CALN1: variants seen among roughly 807,000 people sequenced by gnomAD.
CALN1 encodes calcium-binding protein 8.
A neutral mutation model predicts 30.6 loss-of-function variants in CALN1; 17 were observed. That is an observed-to-expected ratio of 0.56 (90% CI 0.38 to 0.83). CALN1 has a LOEUF of 0.83. Among genes scored for constraint, CALN1 ranks in the 40% least tolerant of loss-of-function variants. The pLI is 0.00. For synonymous variants in CALN1, 156 were observed against 131.4 expected, an observed-to-expected ratio of 1.19 and a Z score of -1.28; for missense variants, 291 against 354.9, an observed-to-expected ratio of 0.82 and a Z score of 1.45.
At chr7:71,879,768 A>G (rs963284352) in intron 5 of CALN1, among the ~76,000 whole-genome samples, 6 of 152,220 alleles carry the variant, frequency 3.9e-5, no homozygotes, top group African/African-American at 1.4e-4. Flanking sequence ...CCTGGGCTCC[A>G]GGTACCACTC....
chr7:72,425,158 G>T (rs181209801), intron 1 of CALN1, among the ~76,000 whole-genome samples: 4 of 152,262 alleles, frequency 2.6e-5, no homozygotes, highest in Middle Eastern at 3.4e-3. Context: ...CTGTTGCCCA[G>T]GCTGGAGTGC....
At chr7:71,841,656 G>A (rs757746) in intron 5 of CALN1, among the ~76,000 whole-genome samples, 45,685 of 152,068 alleles carry the variant, frequency 0.3, 7,372 homozygotes, top group East Asian at 0.66. Context: ...ATACACTGTG[G>A]AATACTATGC....
rs1554337106 is a variant in CALN1 at position 71,790,368 on chromosome 7, A to AAAAAGAAAG, written c.659-2467_659-2466insCTTTCTTTT. On this transcript the variant is annotated intron_variant, in intron 6 of 6. Coordinates refer to ENST00000395275, the MANE Select transcript of CALN1 (RefSeq NM_031468.4). ...AAAGAAAAGAAAGAAAGAAAGAAAG[A>AAAAAGAAAG]AAAGAAAGAAAGAAAGAAAGAAAGA... 1.5e-4 allele frequency among the ~76,000 whole-genome samples: 18 copies of AAAAAGAAAG among 123,798 alleles called. 1 individual carries two copies. The East Asian group carries it at 4.2e-3, about 29-fold the overall frequency. 81.2% of individuals were successfully genotyped at this position (123,798 alleles called of 152,430 possible).
At chr7:71,813,814 C>A (rs1306780025) in intron 5 of CALN1, among the ~76,000 whole-genome samples, 1 of 151,536 alleles carries the variant, frequency 6.6e-6, no homozygotes, top group Admixed American at 6.6e-5. Flanking sequence ...GCCTGTAGTC[C>A]CAGCTACTCA....
chr7:72,199,925 T>C (rs1791303900), intron 3 of CALN1, among the ~76,000 whole-genome samples: 1 of 152,126 alleles, frequency 6.6e-6, no homozygotes, highest in African/African-American at 2.4e-5. Context: ...GCCCAAACTA[T>C]AAGGCTTGTC....
intron 5 of CALN1, 85 bp from the exon 6 acceptor site, chr7:71,810,577 T>G: frequency 2.2e-6 from 3 of 1,383,668 alleles, no homozygotes. Flanking sequence ...GACCCACAGC[T>G]GCTCTGCAGA....
Position 72,342,666 on chromosome 7 carries a change from CAG to C in CALN1, c.119+60583_119+60584del, listed in dbSNP as rs1412749952. On this transcript the variant is annotated intron_variant, in intron 2 of 6. Transcript: ENST00000395275. ...ACCACCTGCCTCTAGCTTTGGGATT[CAG>C]AGTTACACAAATCAGACACCAAGAC... 3.3e-5 allele frequency among the ~76,000 whole-genome samples: 5 copies of C among 152,110 alleles called. No homozygotes were observed. In the East Asian group the frequency reaches 7.7e-4, roughly 23 times the overall value.
At chr7:72,094,510 T>A (rs1167858536) in intron 4 of CALN1, among the ~76,000 whole-genome samples, 2 of 152,138 alleles carry the variant, frequency 1.3e-5, no homozygotes, top group Admixed American at 1.3e-4. Flanking sequence ...TGCCTCAGCC[T>A]CCCAAAGTGC....
intron 4 of CALN1, among the ~76,000 whole-genome samples, chr7:72,078,365 CA>C (rs1804891763): frequency 6.6e-6 from 1 of 152,084 alleles, no homozygotes; most frequent in South Asian, 2.1e-4. Context: ...TTATCACAAG[CA>C]GTGGGTTTTT....
intron 2 of CALN1, among the ~76,000 whole-genome samples, chr7:72,300,776 TGAGGTCAG>T (rs767686599): frequency 5.3e-5 from 8 of 152,112 alleles, no homozygotes; most frequent in African/African-American, 9.7e-5. Context: ...GCAGATCACT[TGAGGTCAG>T]GAGTTCGAGA....
intron 5 of CALN1, among the ~76,000 whole-genome samples, chr7:72,016,261 A>G (rs538641939): frequency 6.6e-6 from 1 of 151,616 alleles, no homozygotes; most frequent in Admixed American, 6.6e-5. Flanking sequence ...AAAAAAAAAA[A>G]AAAAAAGTCA....
At chr7:72,346,071 A>G (rs911424440) in intron 2 of CALN1, among the ~76,000 whole-genome samples, 3 of 152,202 alleles carry the variant, frequency 2.0e-5, no homozygotes, top group Non-Finnish European at 4.4e-5. Context: ...GAATGACAAG[A>G]TAAATTCACC....
At chr7:71,995,452 A>G (rs992900432) in intron 5 of CALN1, among the ~76,000 whole-genome samples, 2 of 152,194 alleles carry the variant, frequency 1.3e-5, no homozygotes, top group African/African-American at 4.8e-5. Flanking sequence ...TAGCCTCACT[A>G]TCTGCCTAAG....
chr7:71,809,607 AACC>A (rs1032004975), intron 6 of CALN1, among the ~76,000 whole-genome samples: 9 of 152,004 alleles, frequency 5.9e-5, no homozygotes, highest in African/African-American at 1.9e-4. Context: ...GGGCTATTAA[AACC>A]ACTCTGATTT....
chr7:72,317,632 T>C (rs1007104795), intron 2 of CALN1, among the ~76,000 whole-genome samples: 2 of 152,068 alleles, frequency 1.3e-5, no homozygotes, highest in South Asian at 4.2e-4. Flanking sequence ...GAAGAACCTG[T>C]GTGGCACCTG....
At chr7:71,931,247 GT>G (rs1223402058) in intron 5 of CALN1, among the ~76,000 whole-genome samples, 1 of 151,536 alleles carries the variant, frequency 6.6e-6, no homozygotes, top group East Asian at 2.0e-4. Flanking sequence ...GGTAGCATAT[GT>G]TCATCTGTGA....
chr7:72,336,841 A>C, intron 2 of CALN1: 1 of 983,438 alleles, frequency 1.0e-6, no homozygotes, highest in Non-Finnish European at 1.2e-6. Flanking sequence ...TCTCGCTCAC[A>C]CCCCCAGCAG....
At chr7:72,374,792 G>A (rs549633028) in intron 2 of CALN1, among the ~76,000 whole-genome samples, 53 of 152,192 alleles carry the variant, frequency 3.5e-4, no homozygotes, top group African/African-American at 1.2e-3. Context: ...TCCTAAGCAT[G>A]AGGTTATTTA....
In CALN1 at chr7:72,377,724, C is replaced by T. The variant is rs1457190266; in HGVS notation, c.119+25527G>A. ...ATGAGTGGACTGAAATTTCCTTAAACTTATGAAACCCCAAATTTCCCAGTC... is the reference window on the plus strand; with the variant it reads ...ATGAGTGGACTGAAATTTCCTTAAATTTATGAAACCCCAAATTTCCCAGTC... On this transcript the variant is annotated intron_variant, in intron 2 of 6. Transcript: ENST00000395275. Among the ~76,000 whole-genome samples the T allele has an allele frequency of 6.6e-5, 10 of 152,240 alleles. No homozygotes were observed. In the East Asian group the frequency reaches 1.9e-3, roughly 29 times the overall value.
Sources: gnomAD v4.1 joint callset for allele counts (sites outside exome capture counted in the v4.1 genomes callset) on GRCh38, gnomAD v4.1.1 for gene constraint, MANE v1.5 for transcripts, NCBI Gene and HGNC (gene_info 2026-07-23, HGNC 2026-07-21) for gene names.